Variants in CENPI observed in about 807,000 individuals in gnomAD.
CENPI encodes the protein centromere protein I, also known as FSH primary response 1.
Under a neutral mutation model 60.4 loss-of-function variants are expected in CENPI, and 4 were observed. That is an observed-to-expected ratio of 0.07 (90% CI 0.03 to 0.15). CENPI has a LOEUF of 0.15. Ranked by LOEUF, CENPI falls within the 10% of genes least tolerant of loss-of-function variation. The probability of loss-of-function intolerance (pLI) is 1.00; values close to 1 mark genes in which losing one functional copy is unlikely to be tolerated. For synonymous variants in CENPI, 157 were observed against 189.4 expected (o/e 0.83, Z 1.40); for missense variants, 444 against 534.5 (o/e 0.83, Z 1.67).
Position 101,102,396 on chromosome X carries a change from C to G in CENPI, c.349C>G (p.Leu117Val). ...AATTGATATTCTATTAAATATTGCA[C>G]TCAGTGGCAAATTTGGTATGTTGAG... ...EEIDILLNIA[L>V]SGKFGNAVNT... The change falls in exon 4 of 22, where the codon CTC (leucine) becomes GTC (valine). Residue 117 changes from leucine to valine, a missense_variant. Coordinates refer to ENST00000682095, the MANE Select transcript of CENPI (RefSeq NM_001386188.2). 1 of 1,177,477 alleles carries G rather than the reference C, an allele frequency of 8.5e-7. No homozygotes were observed. The highest frequency in any genetic ancestry group is 1.1e-6 in the Non-Finnish European group (1 of 877,754).
At position 101,127,444 on chromosome X, in the gene CENPI, G is replaced by A; in HGVS notation, c.907-54G>A. ...CACCTTACCAGTTGCTTTTATATTT[G>A]TGGTTTGTAGTCTGTTTAGTCCATT... On this transcript the variant is annotated intron_variant, in intron 10 of 21. Coordinates refer to ENST00000682095, the MANE Select transcript of CENPI (RefSeq NM_001386188.2). 5.9e-6 allele frequency: 6 copies of A among 1,016,042 alleles called. No homozygotes were observed. In the South Asian group the frequency reaches 1.3e-4, roughly 22 times the overall value. The allele number at this position is 1,016,042 out of a possible 1,213,427, so 83.7% of individuals were successfully genotyped here. A position where few individuals can be genotyped will look rare whatever the true frequency, so the allele number is the denominator to read the frequency against.
the CENPI span, among the ~76,000 whole-genome samples, chrX:101,179,524 CTT>C: frequency 3.9e-5 from 4 of 102,833 alleles, no homozygotes; most frequent in Non-Finnish European, 6.0e-5. Context: ...TTCTTTCTTT[CTT>C]TTTTTTTTTT....
intron 20 of CENPI, among the ~76,000 whole-genome samples, chrX:101,154,070 T>G (rs991947491): frequency 1.3e-3 from 146 of 112,034 alleles, no homozygotes; most frequent in African/African-American, 4.3e-3. Context: ...GGACCATAGA[T>G]GTATGGACTC....
Position 101,145,209 on chromosome X carries a change from A to G in CENPI, c.1701+10A>G, listed in dbSNP as rs781485742. 4.6e-5 allele frequency: 55 copies of G among 1,184,029 alleles called. No individual in the cohort carries two copies. The highest frequency in any genetic ancestry group is 5.7e-5 in the Non-Finnish European group (50 of 878,397). ...GGATTTCTATGAGAAGGTAGTACACATTACATTTTCCCCATTTGGATTTAT... is the reference window on the plus strand; with the variant it reads ...GGATTTCTATGAGAAGGTAGTACACGTTACATTTTCCCCATTTGGATTTAT... On this transcript the variant is annotated intron_variant, in intron 17 of 21. Coordinates refer to ENST00000682095, the MANE Select transcript of CENPI (RefSeq NM_001386188.2).
rs1315068490 is a variant in CENPI, at chrX:101,123,840, G to C, written c.688-2869G>C. Among the ~76,000 whole-genome samples the C allele has an allele frequency of 2.7e-5, 3 of 111,179 alleles. No homozygotes were observed. In the Admixed American group the frequency reaches 2.9e-4, roughly 11 times the overall value. On this transcript the variant is annotated intron_variant, in intron 8 of 21. Transcript: ENST00000682095. Reference sequence around the variant, plus strand: ...TGGGCTCAAGCAATCCTCCCGCCTTGGCCTCCCAAAGTGCTGGGATTACAG... The same window carrying C: ...TGGGCTCAAGCAATCCTCCCGCCTTCGCCTCCCAAAGTGCTGGGATTACAG...
chrX:101,156,008 T>C (rs781505186), intron 20 of CENPI, among the ~76,000 whole-genome samples: 1 of 72,356 alleles, frequency 1.4e-5, no homozygotes, highest in Non-Finnish European at 3.0e-5. Context: ...TAACTTATCC[T>C]CTTTTTTTTT....
chrX:101,121,556 A>C (rs1473926621), intron 8 of CENPI, among the ~76,000 whole-genome samples: 1 of 109,079 alleles, frequency 9.2e-6, no homozygotes, highest in Non-Finnish European at 1.9e-5. Context: ...CCCAAAGTGC[A>C]GGGATTACAG....
At chrX:101,140,547 G>C in intron 15 of CENPI, 119 bp from the exon 16 acceptor site, 2 of 506,006 alleles carry the variant, frequency 4.0e-6, no homozygotes, top group Non-Finnish European at 6.9e-6. Context: ...GCAGCTGTTG[G>C]GTTCAAAATT....
At chrX:101,117,262 G>A (rs910158519) in intron 6 of CENPI, among the ~76,000 whole-genome samples, 2 of 111,407 alleles carry the variant, frequency 1.8e-5, no homozygotes, top group African/African-American at 3.3e-5. Flanking sequence ...GTGCGATGGC[G>A]CGATCTTGGC....
chrX:101,137,264 G>A (rs1363194398), intron 15 of CENPI, among the ~76,000 whole-genome samples: 1 of 111,887 alleles, frequency 8.9e-6, no homozygotes, highest in Non-Finnish European at 1.9e-5. Flanking sequence ...TAACAGTCTC[G>A]AGCATCTTCA....
intron 20 of CENPI, among the ~76,000 whole-genome samples, chrX:101,150,293 A>G (rs1367929383): frequency 1.9e-5 from 2 of 107,038 alleles, no homozygotes; most frequent in Admixed American, 1.1e-4. Flanking sequence ...CGTAAGGTGC[A>G]CATACTGTAT....
intron 12 of CENPI, 92 bp downstream of exon 12, chrX:101,128,928 C>A: frequency 1.4e-6 from 1 of 727,688 alleles, no homozygotes; most frequent in Non-Finnish European, 2.1e-6. Context: ...CCTTCATATG[C>A]TGTAATTATG....
chrX:101,126,644 G>C (rs914974992), intron 8 of CENPI, 65 bp from the exon 9 acceptor site: 8 of 839,967 alleles, frequency 9.5e-6, no homozygotes, highest in Non-Finnish European at 1.2e-5. Context: ...CCTTCTTATT[G>C]GTATTTGTTT....
rs145026954 is a variant in CENPI at position 101,112,090 on chromosome X, T to C, written c.591+2092T>C. On this transcript the variant is annotated intron_variant, in intron 6 of 21. Coordinates refer to ENST00000682095, the MANE Select transcript of CENPI (RefSeq NM_001386188.2). ...TATACAGACTTGGGTACTTGGAAGA[T>C]GTTTTCTTGAAAATGAACAAAACAG... Among the ~76,000 whole-genome samples, 548 of 111,994 alleles carry C rather than the reference T, an allele frequency of 4.9e-3. 5 individuals carry two copies. Among genetic ancestry groups the C allele is most frequent in the African/African-American group, 0.016 (503 of 30,830 alleles).
At position 101,164,636 on chromosome X, in the gene CENPI, G is replaced by A. The variant is rs2090136423; in HGVS notation, c.*1669G>A. ...TGTGAGCCATTGCACCCAGCCCAAA[G>A]TACCTGTTTTTATGGAGTTTACATT... On this transcript the variant is annotated 3_prime_UTR_variant, in exon 22 of 22. Coordinates refer to ENST00000682095, the MANE Select transcript of CENPI (RefSeq NM_001386188.2). Among the ~76,000 whole-genome samples, 1 of 111,970 alleles carries A rather than the reference G, an allele frequency of 8.9e-6. No homozygotes were observed. Among genetic ancestry groups the A allele is most frequent in the Admixed American group, 9.5e-5 (1 of 10,503 alleles).
chrX:101,104,019 G>A (rs1336789869), intron 4 of CENPI, among the ~76,000 whole-genome samples: 1 of 109,601 alleles, frequency 9.1e-6, no homozygotes, highest in Non-Finnish European at 1.9e-5. Context: ...TTTCACCCAG[G>A]CTGGAATGCA....
intron 20 of CENPI, among the ~76,000 whole-genome samples, chrX:101,155,314 C>A (rs1246729253): frequency 9.0e-6 from 1 of 110,757 alleles, no homozygotes; most frequent in African/African-American, 3.3e-5. Context: ...CTCAGCCTCC[C>A]AAGTAGCTGG....
At chrX:101,174,968 A>G in the CENPI span, among the ~76,000 whole-genome samples, 1 of 110,729 alleles carries the variant, frequency 9.0e-6, no homozygotes, top group Non-Finnish European at 1.9e-5. Context: ...TTAGCCGGGC[A>G]TGGTGGCACA....
chrX:101,161,924 T>C lies in CENPI; in HGVS notation c.2136+355T>C, dbSNP rs185751663. Among the ~76,000 whole-genome samples, 465 of 110,818 alleles carry C rather than the reference T, an allele frequency of 4.2e-3. 2 individuals are homozygous for C. Among genetic ancestry groups the C allele is most frequent in the Non-Finnish European group, 7.3e-3 (386 of 52,980 alleles). Reference sequence around the variant, plus strand: ...GGAGTGGTTGAGGCAGGAGGATCTCTTGAGGCCTGGATTTTATTTTATTTT... The same window carrying C: ...GGAGTGGTTGAGGCAGGAGGATCTCCTGAGGCCTGGATTTTATTTTATTTT... On this transcript the variant is annotated intron_variant, in intron 21 of 21. Transcript: ENST00000682095.
Sources: gnomAD v4.1 joint callset for allele counts (sites outside exome capture counted in the v4.1 genomes callset) on GRCh38, gnomAD v4.1.1 for gene constraint, MANE v1.5 for transcripts, NCBI Gene and HGNC (gene_info 2026-07-23, HGNC 2026-07-21) for gene names.